The following PEPD variants were observed in gnomAD, a reference collection of about 807,000 sequenced individuals.
The protein encoded by PEPD is xaa-Pro dipeptidase.
In PEPD, 53 loss-of-function variants were observed where a neutral mutation model predicts 60.7. The ratio of observed to expected loss-of-function variants is 0.87; its 90% CI spans 0.70 to 1.10. The LOEUF is 1.10. PEPD is among the 50% of genes least tolerant of loss of function. The pLI, the probability that PEPD is intolerant of heterozygous loss-of-function variation, is 0.00. For missense variants in PEPD, 711 were observed against 711.9 expected (o/e 1.00, Z 0.01); for synonymous variants, 267 against 284.1 (o/e 0.94, Z 0.60).
At chr19:33,449,016 C>T (rs1428415183) in intron 9 of PEPD, among the ~76,000 whole-genome samples, 3 of 152,216 alleles carry the variant, frequency 2.0e-5, no homozygotes, top group Non-Finnish European at 4.4e-5. Context: ...GGTTTCCCCA[C>T]ACTCCCCAAC....
intron 9 of PEPD, among the ~76,000 whole-genome samples, chr19:33,416,385 C>G (rs1327192021): frequency 2.6e-5 from 4 of 152,210 alleles, no homozygotes; most frequent in Admixed American, 2.6e-4. Context: ...ACACCTGGAA[C>G]AGGCTCTCCA....
In PEPD at chr19:33,410,640, G is replaced by A. The variant is rs532907888; in HGVS notation, c.818+1032C>T. 7.2e-5 allele frequency among the ~76,000 whole-genome samples: 11 copies of A among 152,080 alleles called. No homozygotes were observed. In the East Asian group the frequency reaches 1.5e-3, roughly 21 times the overall value. ...GAAGGCGGAGGCAGCCCAGCTGGGCGCCACGCAGGCCTCAGAGGACATGCC... is the reference window on the plus strand; with the variant it reads ...GAAGGCGGAGGCAGCCCAGCTGGGCACCACGCAGGCCTCAGAGGACATGCC... On this transcript the variant is annotated intron_variant, in intron 11 of 14. Transcript: ENST00000244137.
At chr19:33,390,450 ACCC>A in intron 13 of PEPD, among the ~76,000 whole-genome samples, 1 of 152,124 alleles carries the variant, frequency 6.6e-6, no homozygotes, top group East Asian at 1.9e-4. Flanking sequence ...CACTGCCCCC[ACCC>A]TGCCAAAAAA....
chr19:33,489,086 C>T (rs1311602841), intron 6 of PEPD, among the ~76,000 whole-genome samples: 1 of 152,060 alleles, frequency 6.6e-6, no homozygotes, highest in Non-Finnish European at 1.5e-5. Flanking sequence ...CCGCCCTCTC[C>T]AGGCTCTCCC....
chr19:33,411,603 A>T, intron 11 of PEPD, 69 bp downstream of exon 11: 2 of 849,798 alleles, frequency 2.4e-6, no homozygotes, highest in South Asian at 2.8e-5. Flanking sequence ...CTTCTGGGCC[A>T]TCTTGAAGTT....
In PEPD at chr19:33,493,336, A is replaced by G. The variant is rs1970536503; in HGVS notation, c.395T>C (p.Ile132Thr). ...CTTCTGTGACGTCAGGACGCTGGCA[A>G]TCTAGAAGGTCGGAAAGAAAAACCC... The part of the protein sequence containing the change: ...AVDDVQYVDE[I>T]ASVLTSQKPS... The change falls in exon 5 of 15, where the codon ATT becomes ACT. Residue 132 changes from isoleucine to threonine, a missense_variant and splice_region_variant. Transcript: ENST00000244137. 5.0e-6 allele frequency: 8 copies of G among 1,612,776 alleles called. No individual in the cohort carries two copies. Among genetic ancestry groups the G allele is most frequent in the Non-Finnish European group, 5.9e-6 (7 of 1,178,954 alleles).
At chr19:33,505,425 C>G (rs1179002200) in intron 3 of PEPD, among the ~76,000 whole-genome samples, 3 of 152,108 alleles carry the variant, frequency 2.0e-5, no homozygotes, top group African/African-American at 7.2e-5. Context: ...AACAGCGCTG[C>G]CCGGGAGGCT....
chr19:33,393,239 G>GGGGTCTGGCGTGGGGGAGGCCGTCCCA (rs1568446654), intron 12 of PEPD, among the ~76,000 whole-genome samples: 14 of 102,084 alleles, frequency 1.4e-4, no homozygotes, highest in Admixed American at 2.3e-4. Flanking sequence ...CCCGGGGTCT[G>GGGGTCTGGCGTGGGGGAGGCCGTCCCA]GGGTCTGGGG....
intron 9 of PEPD, among the ~76,000 whole-genome samples, chr19:33,423,408 G>T (rs988282344): frequency 2.0e-5 from 3 of 152,290 alleles, no homozygotes; most frequent in East Asian, 1.9e-4. Flanking sequence ...TCCTAGAAGG[G>T]AGATTATTGA....
intron 6 of PEPD, among the ~76,000 whole-genome samples, chr19:33,480,709 C>T (rs1483647624): frequency 3.3e-5 from 5 of 152,010 alleles, no homozygotes; most frequent in African/African-American, 1.2e-4. Context: ...GCAAGAGAAT[C>T]GCTTGAACCG....
chr19:33,393,105 C>T (rs531510110), intron 12 of PEPD, among the ~76,000 whole-genome samples: 10 of 152,216 alleles, frequency 6.6e-5, no homozygotes, highest in African/African-American at 1.9e-4. Flanking sequence ...GGATCCTCCT[C>T]AGAGCCCAGC....
rs781570190 is a variant in PEPD at position 33,387,372 on chromosome 19, G to T, written c.1454C>A (p.Ala485Asp). The T allele has an allele frequency of 4.3e-5, 69 of 1,613,926 alleles. No homozygotes were observed. The African/African-American group carries it at 7.2e-4, about 17-fold the overall frequency. Residue 485 changes from alanine to aspartate, a missense_variant, in exon 15 of 15, where the codon GCC becomes GAC. Physicochemically the swap from Ala to Asp is moderately radical, Grantham distance 126. Transcript: ENST00000244137. ...IEACMAGCDK[A>D]FTPFSGPK ...CTTGGGGCCAGAGAAGGGGGTAAAGGCCTTGTCACAGCCTGCCATGCATGC... is the reference window on the plus strand; with the variant it reads ...CTTGGGGCCAGAGAAGGGGGTAAAGTCCTTGTCACAGCCTGCCATGCATGC...
At chr19:33,478,799 C>T (rs2145298944) in intron 6 of PEPD, among the ~76,000 whole-genome samples, 1 of 151,998 alleles carries the variant, frequency 6.6e-6, no homozygotes, top group South Asian at 2.1e-4. Flanking sequence ...ACTAGCAGAC[C>T]TACCCTGAAA....
chr19:33,400,632 T>C lies in PEPD; in HGVS notation c.967+1089A>G, dbSNP rs73586205. ...CCAGGCCTAGGGGTTGGCCAGCACA[T>C]GGTGATCCCATAGGAACCTGCCCAG... On this transcript the variant is annotated intron_variant, in intron 12 of 14. Transcript: ENST00000244137. Among the ~76,000 whole-genome samples, 689 of 152,290 alleles carry C rather than the reference T, an allele frequency of 4.5e-3. 7 individuals carry two copies. The highest frequency in any genetic ancestry group is 0.016 in the African/African-American group (648 of 41,550).
chr19:33,409,148 G>T (rs1968707046), intron 11 of PEPD, among the ~76,000 whole-genome samples: 1 of 152,222 alleles, frequency 6.6e-6, no homozygotes, highest in Non-Finnish European at 1.5e-5. Context: ...CCTCTCCGGG[G>T]CAGATAAAGA....
intron 3 of PEPD, among the ~76,000 whole-genome samples, chr19:33,503,269 G>A (rs181762843): frequency 5.4e-4 from 83 of 152,336 alleles, no homozygotes; most frequent in African/African-American, 1.9e-3. Context: ...TGGTCTCACC[G>A]TAATCAATGG....
chr19:33,500,905 C>T, intron 4 of PEPD, 33 bp downstream of exon 4: 1 of 1,311,810 alleles, frequency 7.6e-7, no homozygotes, highest in Non-Finnish European at 1.1e-6. Flanking sequence ...GCTGGAAGCC[C>T]TGGGCTGCTC....
intron 12 of PEPD, among the ~76,000 whole-genome samples, chr19:33,391,745 T>G (rs1368758759): frequency 6.6e-6 from 1 of 152,164 alleles, no homozygotes; most frequent in Non-Finnish European, 1.5e-5. Flanking sequence ...CTGTCACCTG[T>G]AGCCAAGGGC....
intron 6 of PEPD, among the ~76,000 whole-genome samples, chr19:33,482,736 C>G (rs1970331822): frequency 6.6e-6 from 1 of 152,218 alleles, no homozygotes; most frequent in African/African-American, 2.4e-5. Flanking sequence ...TTACTCAGAA[C>G]AGCCAAAAGT....
Sources: gnomAD v4.1 joint callset for allele counts (sites outside exome capture counted in the v4.1 genomes callset) on GRCh38, gnomAD v4.1.1 for gene constraint, MANE v1.5 for transcripts, NCBI Gene and HGNC (gene_info 2026-07-23, HGNC 2026-07-21) for gene names.